The following KHDRBS2 variants were observed in gnomAD, a reference collection of about 807,000 sequenced individuals.
KHDRBS2 encodes the protein KH RNA binding domain containing, signal transduction associated 2.
In KHDRBS2, 26 loss-of-function variants were observed where a neutral mutation model predicts 44.3. The ratio of observed to expected loss-of-function variants is 0.59; its 90% CI spans 0.43 to 0.81. The LOEUF is 0.81. Ranked by LOEUF, KHDRBS2 falls within the 40% of genes least tolerant of loss-of-function variation. The pLI is 0.00. For synonymous variants in KHDRBS2, 194 were observed against 151.1 expected (o/e 1.28, Z -2.08); for missense variants, 476 against 433.1 (o/e 1.10, Z -0.88).
intron 3 of KHDRBS2, among the ~76,000 whole-genome samples, chr6:62,004,788 G>A (rs1011085719): frequency 4.0e-5 from 6 of 151,864 alleles, no homozygotes; most frequent in African/African-American, 1.4e-4. Context: ...AACCGAATCT[G>A]GCAACACATC....
At chr6:62,210,906 T>C (rs1221672360) in intron 1 of KHDRBS2, among the ~76,000 whole-genome samples, 1 of 152,136 alleles carries the variant, frequency 6.6e-6, no homozygotes, top group Non-Finnish European at 1.5e-5. Flanking sequence ...TTCTTAATAA[T>C]AGTTTAATGG....
At chr6:61,592,187 C>T in the KHDRBS2 span, among the ~76,000 whole-genome samples, 1 of 26,886 alleles carries the variant, frequency 3.7e-5, no homozygotes, top group African/African-American at 2.3e-4. Flanking sequence ...CAAGATCCCA[C>T]CAAAAAAAAA....
intron 4 of KHDRBS2, among the ~76,000 whole-genome samples, chr6:61,950,834 ATATGAAATGTACTAAATTC>A: frequency 6.6e-6 from 1 of 152,054 alleles, no homozygotes; most frequent in East Asian, 1.9e-4. Context: ...ATAAACGTAA[ATATGAAATGTACTAAATTC>A]TGTGATGTTT....
intron 6 of KHDRBS2, among the ~76,000 whole-genome samples, chr6:61,814,569 G>A (rs1440697898): frequency 2.0e-5 from 3 of 152,074 alleles, no homozygotes; most frequent in Non-Finnish European, 4.4e-5. Context: ...TCGCACCATG[G>A]CACTCCAGCC....
At chr6:61,957,507 T>TG (rs34559876) in intron 4 of KHDRBS2, among the ~76,000 whole-genome samples, 28,800 of 151,960 alleles carry the variant, frequency 0.19, 3,183 homozygotes, top group East Asian at 0.32. Flanking sequence ...ATGGCTGCTT[T>TG]GGGGGTGGCT....
chr6:61,816,991 A>G lies in KHDRBS2; in HGVS notation c.810+77644T>C, dbSNP rs1244541768. The G allele has an allele frequency of 6.6e-6, 3 of 455,790 alleles. No homozygotes were observed. In the East Asian group the frequency reaches 2.1e-4, roughly 32 times the overall value. 28.2% of individuals were successfully genotyped at this position (455,790 alleles called of 1,614,324 possible). A position where few individuals can be genotyped will look rare whatever the true frequency, so the allele number is the denominator to read the frequency against. On this transcript the variant is annotated intron_variant, in intron 6 of 8. Transcript: ENST00000281156. ...TTGCCACCGTATCAAAAAACAAGGA[A>G]AGTGGTAATGATGGCTGAAACATTA... is the stretch of plus-strand genomic sequence containing the variant.
At chr6:61,841,653 G>A (rs1033828595) in intron 6 of KHDRBS2, among the ~76,000 whole-genome samples, 2 of 152,074 alleles carry the variant, frequency 1.3e-5, no homozygotes, top group African/African-American at 4.8e-5. Context: ...CTTCCTAAAT[G>A]AGTCCCACAA....
At chr6:61,579,870 C>G in the KHDRBS2 span, among the ~76,000 whole-genome samples, 16 of 138,708 alleles carry the variant, frequency 1.2e-4, no homozygotes, top group Admixed American at 5.9e-4. Flanking sequence ...CCACCCTGAC[C>G]AACATGGAGA....
intron 2 of KHDRBS2, among the ~76,000 whole-genome samples, chr6:62,141,186 G>A (rs750400550): frequency 6.6e-6 from 1 of 152,156 alleles, no homozygotes; most frequent in Non-Finnish European, 1.5e-5. Context: ...TAAAAGTGAA[G>A]ATGTTGAGAG....
At chr6:62,002,211 G>C (rs1040404832) in intron 3 of KHDRBS2, among the ~76,000 whole-genome samples, 1 of 151,718 alleles carries the variant, frequency 6.6e-6, no homozygotes, top group Non-Finnish European at 1.5e-5. Flanking sequence ...TCCACCAAAG[G>C]TGTTTGATAT....
At chr6:61,799,510 T>C (rs1257725139) in intron 6 of KHDRBS2, among the ~76,000 whole-genome samples, 1 of 152,008 alleles carries the variant, frequency 6.6e-6, no homozygotes, top group East Asian at 1.9e-4. Flanking sequence ...CTAATAGAAA[T>C]CAAAATATTT....
chr6:61,591,905 G>A, the KHDRBS2 span, among the ~76,000 whole-genome samples: 1 of 152,120 alleles, frequency 6.6e-6, no homozygotes, highest in Non-Finnish European at 1.5e-5. Flanking sequence ...GGAGAAAAGG[G>A]GCCAGGTGTG....
downstream of KHDRBS2, among the ~76,000 whole-genome samples, chr6:61,675,148 T>C (rs527967270): frequency 1.3e-5 from 2 of 151,762 alleles, no homozygotes; most frequent in Non-Finnish European, 2.9e-5. Context: ...CTTCTAACTA[T>C]ATATTTTTAC....
chr6:62,228,914 T>C (rs1407888667), intron 1 of KHDRBS2, among the ~76,000 whole-genome samples: 1 of 152,210 alleles, frequency 6.6e-6, no homozygotes, highest in Non-Finnish European at 1.5e-5. Context: ...GGCACCGAAC[T>C]GATTGCCAGT....
At chr6:61,654,791 C>G in the KHDRBS2 span, among the ~76,000 whole-genome samples, 89,275 of 151,110 alleles carry the variant, frequency 0.59, 26,592 homozygotes, top group African/African-American at 0.61. Context: ...ACACAGGAGC[C>G]TTGGATTACC....
the KHDRBS2 span, among the ~76,000 whole-genome samples, chr6:61,668,180 T>C: frequency 2.0e-5 from 3 of 151,148 alleles, no homozygotes; most frequent in Non-Finnish European, 3.0e-5. Context: ...AAACACTGTC[T>C]CTCAAACATC....
chr6:62,039,435 A>AT (rs1786005286), intron 3 of KHDRBS2, among the ~76,000 whole-genome samples: 2 of 151,906 alleles, frequency 1.3e-5, no homozygotes, highest in Non-Finnish European at 2.9e-5. Flanking sequence ...CTGCTAAATA[A>AT]TATGTATGTG....
chr6:61,852,298 T>C (rs557890400), intron 6 of KHDRBS2, among the ~76,000 whole-genome samples: 1 of 150,512 alleles, frequency 6.6e-6, no homozygotes, highest in African/African-American at 2.5e-5. Context: ...ATAAAGATTT[T>C]TTCACGCCTG....
chr6:62,057,534 G>A (rs1790574121), intron 2 of KHDRBS2, among the ~76,000 whole-genome samples: 1 of 151,806 alleles, frequency 6.6e-6, no homozygotes, highest in Non-Finnish European at 1.5e-5. Context: ...ACATAATCAT[G>A]ACAGGTGAAT....
Sources: gnomAD v4.1 joint callset for allele counts (sites outside exome capture counted in the v4.1 genomes callset) on GRCh38, gnomAD v4.1.1 for gene constraint, MANE v1.5 for transcripts, NCBI Gene and HGNC (gene_info 2026-07-23, HGNC 2026-07-21) for gene names.